The following GHR variants were observed in gnomAD, a reference collection of about 807,000 sequenced individuals.
The protein encoded by GHR is growth hormone receptor, also known as GH receptor.
GHR carries 35 observed loss-of-function variants against 67.1 expected under a neutral mutation model. The ratio of observed to expected loss-of-function variants is 0.52; its 90% CI spans 0.40 to 0.69. The LOEUF (loss-of-function observed/expected upper bound fraction) is 0.69, where lower values mean the gene tolerates loss of function less well. Ranked by LOEUF, GHR falls within the 30% of genes least tolerant of loss-of-function variation. GHR has a pLI of 0.00. For synonymous variants in GHR, 272 were observed against 269.1 expected (o/e 1.01, Z -0.10); for missense variants, 792 against 764.6 (o/e 1.04, Z -0.42).
At chr5:42,460,185 C>T (rs866945982) in intron 1 of GHR, among the ~76,000 whole-genome samples, 5 of 152,172 alleles carry the variant, frequency 3.3e-5, no homozygotes, top group East Asian at 1.9e-4. Context: ...TCACCAGGAA[C>T]TTAAGTGTCT....
chr5:42,709,012 G>T (rs1758319690), intron 6 of GHR, among the ~76,000 whole-genome samples: 2 of 152,268 alleles, frequency 1.3e-5, no homozygotes, highest in East Asian at 1.9e-4. Context: ...CAATATAATT[G>T]GTTATGAAGC....
chr5:42,486,826 G>A (rs13158248), intron 1 of GHR, among the ~76,000 whole-genome samples: 9 of 146,558 alleles, frequency 6.1e-5, no homozygotes, highest in Non-Finnish European at 7.4e-5. Context: ...CAGCCTGGGC[G>A]ACAGAGCGAG....
chr5:42,700,025 A>G (rs752178563), intron 6 of GHR, 23 bp downstream of exon 6: 1 of 1,457,840 alleles, frequency 6.9e-7, no homozygotes, highest in Middle Eastern at 1.7e-4. Flanking sequence ...TACACCTTAC[A>G]CTTTGACTTT....
chr5:42,452,731 T>C (rs183495056), intron 1 of GHR, among the ~76,000 whole-genome samples: 13 of 152,300 alleles, frequency 8.5e-5, no homozygotes, highest in African/African-American at 2.6e-4. Context: ...GTATCTTTCA[T>C]TTCCAGAAGT....
chr5:42,474,321 G>GAAAGAAAGAAAGAAAGAAAGAAAGAAAGA (rs1745183752), intron 1 of GHR, among the ~76,000 whole-genome samples: 1 of 136,218 alleles, frequency 7.3e-6, no homozygotes, highest in African/African-American at 3.0e-5. Context: ...AAGAAAGAAA[G>GAAAGAAAGAAAGAAAGAAAGAAAGAAAGA]AAAGAAAGAA....
At chr5:42,643,343 C>T (rs1754572775) in intron 3 of GHR, among the ~76,000 whole-genome samples, 2 of 152,158 alleles carry the variant, frequency 1.3e-5, no homozygotes, top group Non-Finnish European at 2.9e-5. Context: ...AAAAGAATCA[C>T]AACATTTCCT....
intron 1 of GHR, among the ~76,000 whole-genome samples, chr5:42,481,453 A>G (rs1367120848): frequency 2.0e-5 from 3 of 152,196 alleles, no homozygotes; most frequent in Admixed American, 1.3e-4. Flanking sequence ...AGATTGGGGA[A>G]GTTCACCTGG....
intron 1 of GHR, among the ~76,000 whole-genome samples, chr5:42,511,487 G>C (rs1747013137): frequency 6.6e-6 from 1 of 152,108 alleles, no homozygotes; most frequent in Admixed American, 6.5e-5. Flanking sequence ...TTAGTGTCTG[G>C]AATAAGGTTC....
Position 42,485,466 on chromosome 5 carries a change from G to A in GHR, c.-12+61511G>A, listed in dbSNP as rs112187997. 2.6e-3 allele frequency among the ~76,000 whole-genome samples: 389 copies of A among 152,104 alleles called. 2 individuals are homozygous for A. The highest frequency in any genetic ancestry group is 8.9e-3 in the African/African-American group (370 of 41,478). On this transcript the variant is annotated intron_variant, in intron 1 of 9. Transcript: ENST00000230882. ...TGTTTTTCCCCCTTCTTTGCTCTTT[G>A]ATTAAATGCATGCCAGATCCAACTT...
At chr5:42,677,544 A>G (rs1756631148) in intron 3 of GHR, among the ~76,000 whole-genome samples, 3 of 152,178 alleles carry the variant, frequency 2.0e-5, no homozygotes. Flanking sequence ...ACTGTCTAGA[A>G]TACAACCACA....
intron 2 of GHR, among the ~76,000 whole-genome samples, chr5:42,625,174 T>C (rs1380972068): frequency 1.3e-5 from 2 of 152,126 alleles, no homozygotes; most frequent in African/African-American, 4.8e-5. Context: ...TGAATTGGAC[T>C]CACCAGGCTC....
chr5:42,433,780 G>A (rs575092317), intron 1 of GHR, among the ~76,000 whole-genome samples: 2 of 138,978 alleles, frequency 1.4e-5, no homozygotes, highest in African/African-American at 5.4e-5. Context: ...GGTTGGAGAG[G>A]TTTCATGCAA....
chr5:42,712,843 T>C (rs1758529290), intron 7 of GHR, among the ~76,000 whole-genome samples: 1 of 151,164 alleles, frequency 6.6e-6, no homozygotes. Flanking sequence ...ATGTATATAA[T>C]ATACATGAGA....
chr5:42,470,093 AT>A (rs1391942947), intron 1 of GHR, among the ~76,000 whole-genome samples: 52 of 147,544 alleles, frequency 3.5e-4, no homozygotes, highest in Non-Finnish European at 5.2e-4. Context: ...AACATATTAT[AT>A]TATATGTCAA....
At chr5:42,620,407 A>G (rs140675380) in intron 2 of GHR, among the ~76,000 whole-genome samples, 1 of 152,316 alleles carries the variant, frequency 6.6e-6, no homozygotes, top group African/African-American at 2.4e-5. Context: ...AGAATAAGCC[A>G]TGATCCTTAC....
intron 1 of GHR, among the ~76,000 whole-genome samples, chr5:42,530,037 ATAT>A (rs1747896321): frequency 1.8e-5 from 1 of 56,370 alleles, no homozygotes; most frequent in African/African-American, 7.5e-5. Context: ...TTGCAAATCT[ATAT>A]TTTTTTCCAG....
chr5:42,494,867 T>G (rs1462643707), intron 1 of GHR, among the ~76,000 whole-genome samples: 1 of 152,166 alleles, frequency 6.6e-6, no homozygotes, highest in African/African-American at 2.4e-5. Flanking sequence ...ATTAGTTCTT[T>G]TTGGTGAGCT....
chr5:42,653,263 A>T (rs1755096656), intron 3 of GHR, among the ~76,000 whole-genome samples: 1 of 152,154 alleles, frequency 6.6e-6, no homozygotes, highest in Non-Finnish European at 1.5e-5. Flanking sequence ...ATAATTCAGT[A>T]AGGTTACTCT....
chr5:42,601,124 A>T (rs558807486), intron 2 of GHR, among the ~76,000 whole-genome samples: 1 of 151,836 alleles, frequency 6.6e-6, no homozygotes. Flanking sequence ...ATGAGGTTTC[A>T]TCATATTGGT....
Sources: allele counts gnomAD v4.1 joint callset (sites outside exome capture counted in the v4.1 genomes callset), GRCh38; gene constraint gnomAD v4.1.1; transcripts MANE v1.5; gene names NCBI Gene and HGNC (gene_info 2026-07-23, HGNC 2026-07-21).